Variants in PTPRN2 observed in about 807,000 individuals in gnomAD.
PTPRN2 encodes receptor-type tyrosine-protein phosphatase N2.
In PTPRN2, 74 loss-of-function variants were observed where a neutral mutation model predicts 118.8. The observed-to-expected ratio is 0.62, with a 90% CI of 0.52 to 0.76. The LOEUF is 0.76. Ranked by LOEUF, PTPRN2 falls within the 30% of genes least tolerant of loss-of-function variation. The pLI, the probability that PTPRN2 is intolerant of heterozygous loss-of-function variation, is 0.00. For missense variants in PTPRN2, 1,481 were observed against 1,394.4 expected (o/e 1.06, Z -0.99); for synonymous variants, 641 against 608.0 (o/e 1.05, Z -0.80).
chr7:158,329,472 C>A (rs1342498864), intron 2 of PTPRN2, among the ~76,000 whole-genome samples: 1 of 152,166 alleles, frequency 6.6e-6, no homozygotes, highest in Non-Finnish European at 1.5e-5. Flanking sequence ...GGAGGTGGGG[C>A]CTTCCTTACA....
intron 11 of PTPRN2, among the ~76,000 whole-genome samples, chr7:158,008,330 T>C (rs974787640): frequency 2.0e-5 from 3 of 152,210 alleles, no homozygotes; most frequent in African/African-American, 7.2e-5. Context: ...CTTATTTTCA[T>C]TTTCAGGAGA....
rs1316365930 is a variant in PTPRN2 at position 157,861,118 on chromosome 7, G to A, written c.1788+37555C>T. ...CACCATGTGGGACCCCAGCACGGGC[G>A]CTTTGGGATGTCGGCAGAGGCACGC... On this transcript the variant is annotated intron_variant, in intron 12 of 22. Transcript: ENST00000389418. This position sits in a 1 kb window ranked among gnomAD's most constrained non-coding sequence, Gnocchi z 5.8. 6.6e-6 allele frequency among the ~76,000 whole-genome samples: 1 copy of A among 152,224 alleles called. No homozygotes were observed. The highest frequency in any genetic ancestry group is 6.5e-5 in the Admixed American group (1 of 15,282).
intron 11 of PTPRN2, among the ~76,000 whole-genome samples, chr7:158,058,330 C>T (rs377238444): frequency 1.4e-5 from 2 of 146,968 alleles, no homozygotes; most frequent in East Asian, 4.1e-4. Flanking sequence ...CACGGTGAGA[C>T]ATCACTACAG....
At chr7:158,071,583 C>CTGTGG (rs1811715242) in intron 11 of PTPRN2, among the ~76,000 whole-genome samples, 2 of 10,644 alleles carry the variant, frequency 1.9e-4, no homozygotes, top group Non-Finnish European at 3.3e-4. Context: ...GGAGGTGCTC[C>CTGTGG]TGGTGGAGGT....
At chr7:157,626,987 T>C (rs73515088) in intron 14 of PTPRN2, among the ~76,000 whole-genome samples, 2,161 of 152,346 alleles carry the variant, frequency 0.014, 57 homozygotes, top group African/African-American at 0.049. Flanking sequence ...TGTAACAACC[T>C]GAACCTAACA....
At chr7:157,924,650 G>C (rs150141639) in intron 11 of PTPRN2, among the ~76,000 whole-genome samples, 1 of 152,362 alleles carries the variant, frequency 6.6e-6, no homozygotes, top group East Asian at 1.9e-4. Context: ...AGGTACACAG[G>C]GTAAGAAGTC....
intron 12 of PTPRN2, among the ~76,000 whole-genome samples, chr7:157,799,005 T>G (rs1395030104): frequency 1.3e-5 from 2 of 152,222 alleles, no homozygotes; most frequent in Non-Finnish European, 2.9e-5. Context: ...ACTAGGGTGC[T>G]GCCCCCTCCT....
intron 1 of PTPRN2, among the ~76,000 whole-genome samples, chr7:158,575,560 C>T (rs964121478): frequency 6.6e-6 from 1 of 152,166 alleles, no homozygotes; most frequent in Admixed American, 6.5e-5. Context: ...GAGATAGAGT[C>T]TCACTGTGTT....
At chr7:158,411,361 C>A (rs1814072767) in intron 2 of PTPRN2, among the ~76,000 whole-genome samples, 1 of 152,252 alleles carries the variant, frequency 6.6e-6, no homozygotes, top group Non-Finnish European at 1.5e-5. Context: ...CGGGGCCTGG[C>A]ACTGCGCACT....
At chr7:157,670,228 G>A (rs2150778139) in intron 13 of PTPRN2, among the ~76,000 whole-genome samples, 1 of 152,298 alleles carries the variant, frequency 6.6e-6, no homozygotes, top group African/African-American at 2.4e-5. Flanking sequence ...TCCACGTGAA[G>A]CACAGAAGGC....
intron 5 of PTPRN2, among the ~76,000 whole-genome samples, chr7:158,171,700 G>A (rs1823719370): frequency 6.6e-6 from 1 of 152,164 alleles, no homozygotes; most frequent in Admixed American, 6.5e-5. Context: ...TCTCAACTGA[G>A]GAGAAACTAT....
chr7:158,013,204 G>T (rs1308747737), intron 11 of PTPRN2, among the ~76,000 whole-genome samples: 1 of 152,204 alleles, frequency 6.6e-6, no homozygotes, highest in Non-Finnish European at 1.5e-5. Context: ...GGGAGATACT[G>T]GGTTCCTTGA....
At chr7:157,967,641 T>C (rs770481853) in intron 11 of PTPRN2, among the ~76,000 whole-genome samples, 1 of 152,170 alleles carries the variant, frequency 6.6e-6, no homozygotes, top group Non-Finnish European at 1.5e-5. Context: ...AGGAGAACGA[T>C]GCTGACCCAT....
intron 2 of PTPRN2, among the ~76,000 whole-genome samples, chr7:158,327,664 G>A (rs1057228587): frequency 2.0e-5 from 3 of 152,244 alleles, no homozygotes; most frequent in Non-Finnish European, 4.4e-5. Context: ...GTGTCCTGCT[G>A]TACCAGGCTA....
chr7:158,477,761 A>AC (rs1820368249), intron 2 of PTPRN2, among the ~76,000 whole-genome samples: 1 of 152,172 alleles, frequency 6.6e-6, no homozygotes, highest in Non-Finnish European at 1.5e-5. Flanking sequence ...AGCATCACCC[A>AC]CCCCTCACCC....
chr7:157,986,235 C>T lies in PTPRN2; in HGVS notation c.1724-87498G>A, dbSNP rs140730995. 5.2e-3 allele frequency among the ~76,000 whole-genome samples: 789 copies of T among 152,292 alleles called. 12 individuals carry two copies. The highest frequency in any genetic ancestry group is 0.017 in the African/African-American group (696 of 41,570). On this transcript the variant is annotated intron_variant, in intron 11 of 22. Coordinates refer to ENST00000389418, the MANE Select transcript of PTPRN2 (RefSeq NM_002847.5). The surrounding 1 kb of genome is among the most constrained non-coding windows in gnomAD (Gnocchi z 4.5). ...TGCCAGCAAGTATGTCTGCCTCTGA[C>T]GAGTCACTGTTGGATGTGAGGCAAC...
At chr7:157,758,614 G>T (rs552427733) in intron 12 of PTPRN2, among the ~76,000 whole-genome samples, 2 of 152,230 alleles carry the variant, frequency 1.3e-5, no homozygotes, top group Non-Finnish European at 2.9e-5. Context: ...CCGGGTGGGC[G>T]GACGCAGGGG....
rs746383542 is a variant in PTPRN2, at chr7:158,329,525, G to A, written c.164-12593C>T. 2.6e-5 allele frequency among the ~76,000 whole-genome samples: 4 copies of A among 152,280 alleles called. No individual in the cohort carries two copies. The East Asian group carries it at 5.8e-4, about 22-fold the overall frequency. ...TCACGCTCCAGCCACATGAGGACAC[G>A]TGAGGAGGCACCGTCGATGAGCCAG... is the stretch of plus-strand genomic sequence containing the variant. On this transcript the variant is annotated intron_variant, in intron 2 of 22. Transcript: ENST00000389418.
At chr7:158,032,708 C>T (rs890557329) in intron 11 of PTPRN2, among the ~76,000 whole-genome samples, 1 of 152,076 alleles carries the variant, frequency 6.6e-6, no homozygotes, top group Admixed American at 6.5e-5. Flanking sequence ...TCACAGAGCA[C>T]CAGGCATTTG....
Sources: allele counts gnomAD v4.1 joint callset (sites outside exome capture counted in the v4.1 genomes callset), GRCh38; gene constraint gnomAD v4.1.1; non-coding constraint Gnocchi (gnomAD v3.1); transcripts MANE v1.5; gene names NCBI Gene and HGNC (gene_info 2026-07-23, HGNC 2026-07-21).